Variants in LRRC4C observed in about 807,000 individuals in gnomAD.
LRRC4C encodes the protein leucine rich repeat containing 4C, also known as leucine-rich repeat-containing protein 4C.
LRRC4C carries 5 observed loss-of-function variants against 33.6 expected under a neutral mutation model. That is an observed-to-expected ratio of 0.15 (90% CI 0.08 to 0.31). The LOEUF (loss-of-function observed/expected upper bound fraction) is 0.31, where lower values mean the gene tolerates loss of function less well. LRRC4C is among the 10% of genes least tolerant of loss of function. LRRC4C has a pLI of 1.00. For synonymous variants in LRRC4C, 329 were observed against 302.0 expected, an observed-to-expected ratio of 1.09 and a Z score of -0.93; for missense variants, 560 against 796.7, an observed-to-expected ratio of 0.70 and a Z score of 3.58.
intron 4 of LRRC4C, among the ~76,000 whole-genome samples, chr11:40,318,109 A>G (rs1214077395): frequency 6.6e-6 from 1 of 152,102 alleles, no homozygotes; most frequent in East Asian, 1.9e-4. Context: ...AAACATCACT[A>G]TACTCGTCTA....
chr11:41,281,042 T>TTTTC (rs1555135078), intron 1 of LRRC4C, among the ~76,000 whole-genome samples: 1 of 76,194 alleles, frequency 1.3e-5, no homozygotes, highest in African/African-American at 5.4e-5. Context: ...AATACATATT[T>TTTTC]TCTCTCTCTC....
intron 3 of LRRC4C, among the ~76,000 whole-genome samples, chr11:40,347,390 C>A (rs995606218): frequency 3.3e-5 from 5 of 152,092 alleles, no homozygotes; most frequent in African/African-American, 1.2e-4. Flanking sequence ...CTATCCAGAC[C>A]ACTAAAATTT....
At chr11:40,527,876 G>C (rs954244532) in intron 3 of LRRC4C, among the ~76,000 whole-genome samples, 1 of 151,982 alleles carries the variant, frequency 6.6e-6, no homozygotes, top group African/African-American at 2.4e-5. Flanking sequence ...AGCCTCCCAA[G>C]TAGCTGGGAT....
chr11:40,529,323 A>G (rs1350594912), intron 3 of LRRC4C, among the ~76,000 whole-genome samples: 1 of 152,100 alleles, frequency 6.6e-6, no homozygotes, highest in Non-Finnish European at 1.5e-5. Context: ...ATTATATTCT[A>G]TATTTATGTT....
chr11:41,147,737 G>T lies in LRRC4C; in HGVS notation c.-495-214014C>A, dbSNP rs74379890. 5.9e-5 allele frequency among the ~76,000 whole-genome samples: 9 copies of T among 152,246 alleles called. No individual in the cohort carries two copies. The East Asian group carries it at 1.5e-3, about 26-fold the overall frequency. ...GACACAACAAACAAATACTCAAAGA[G>T]CTTTAATCAGACATTTATCAAAGAA... On this transcript the variant is annotated intron_variant, in intron 1 of 6. Coordinates refer to ENST00000528697, the MANE Select transcript of LRRC4C (RefSeq NM_001258419.2).
At chr11:41,146,808 T>G (rs964849919) in intron 1 of LRRC4C, among the ~76,000 whole-genome samples, 18 of 152,244 alleles carry the variant, frequency 1.2e-4, no homozygotes, top group Admixed American at 1.2e-3. Flanking sequence ...GCCAATCTAC[T>G]AACAAGTTGT....
At chr11:41,029,586 C>A (rs2137798565) in intron 1 of LRRC4C, among the ~76,000 whole-genome samples, 1 of 151,832 alleles carries the variant, frequency 6.6e-6, no homozygotes, top group South Asian at 2.1e-4. Context: ...GTTCATTTAA[C>A]CTTGTAATTA....
chr11:41,297,652 G>T (rs1008428221), intron 1 of LRRC4C, among the ~76,000 whole-genome samples: 2 of 152,012 alleles, frequency 1.3e-5, no homozygotes, highest in African/African-American at 4.8e-5. Context: ...ACGATAAATG[G>T]AAAATACTCT....
At chr11:40,489,032 G>A (rs1253778651) in intron 3 of LRRC4C, among the ~76,000 whole-genome samples, 2 of 152,038 alleles carry the variant, frequency 1.3e-5, no homozygotes, top group Non-Finnish European at 2.9e-5. Flanking sequence ...AATAACTGAG[G>A]AAGTCACCTG....
At chr11:41,269,637 G>T (rs1949259919) in intron 1 of LRRC4C, among the ~76,000 whole-genome samples, 1 of 152,092 alleles carries the variant, frequency 6.6e-6, no homozygotes, top group Admixed American at 6.6e-5. Context: ...TCTCTCTGGT[G>T]CCAATTGTGG....
chr11:41,256,136 CTGTT>C (rs1271057573), intron 1 of LRRC4C, among the ~76,000 whole-genome samples: 8 of 151,992 alleles, frequency 5.3e-5, no homozygotes, highest in Admixed American at 4.6e-4. Flanking sequence ...CTGGCTCTGT[CTGTT>C]TGTGTCTTTA....
At chr11:40,691,872 G>A (rs1565640400) in intron 2 of LRRC4C, among the ~76,000 whole-genome samples, 3 of 152,052 alleles carry the variant, frequency 2.0e-5, no homozygotes, top group Non-Finnish European at 4.4e-5. Context: ...TGTGCACCTT[G>A]AATAGTTAAC....
At chr11:40,192,087 G>A (rs1260214861) in intron 5 of LRRC4C, among the ~76,000 whole-genome samples, 1 of 152,084 alleles carries the variant, frequency 6.6e-6, no homozygotes, top group African/African-American at 2.4e-5. Context: ...ACATTGATAT[G>A]ATTGATCATA....
chr11:40,776,388 T>C (rs1319297632), intron 2 of LRRC4C, among the ~76,000 whole-genome samples: 2 of 152,118 alleles, frequency 1.3e-5, no homozygotes, highest in Non-Finnish European at 2.9e-5. Context: ...TGAGGTTTCT[T>C]ATGATTGATT....
chr11:41,102,232 A>T (rs1434486483), intron 1 of LRRC4C, among the ~76,000 whole-genome samples: 1 of 152,074 alleles, frequency 6.6e-6, no homozygotes, highest in South Asian at 2.1e-4. Flanking sequence ...TGAGTCTAAA[A>T]ATGCTTGAAT....
chr11:41,277,226 A>G (rs1949512675), intron 1 of LRRC4C, among the ~76,000 whole-genome samples: 1 of 152,222 alleles, frequency 6.6e-6, no homozygotes, highest in Admixed American at 6.5e-5. Flanking sequence ...GAATGCTAAC[A>G]TGGCAAATAA....
intron 1 of LRRC4C, among the ~76,000 whole-genome samples, chr11:41,383,208 T>A (rs189569632): frequency 2.1e-3 from 313 of 152,220 alleles, no homozygotes; most frequent in Non-Finnish European, 3.4e-3. Flanking sequence ...GTTTTCTGGG[T>A]TGTGAATCAG....
intron 5 of LRRC4C, among the ~76,000 whole-genome samples, chr11:40,169,166 A>G (rs1329758970): frequency 2.6e-5 from 4 of 152,154 alleles, no homozygotes; most frequent in African/African-American, 9.7e-5. Flanking sequence ...TATTATTGAG[A>G]CTTATTTTTC....
intron 1 of LRRC4C, among the ~76,000 whole-genome samples, chr11:41,443,142 T>C (rs1955707857): frequency 7.2e-6 from 1 of 139,718 alleles, no homozygotes; most frequent in South Asian, 2.5e-4. Context: ...AACCTCATCA[T>C]ATTAACACTG....
Sources: allele counts gnomAD v4.1 joint callset (sites outside exome capture counted in the v4.1 genomes callset), GRCh38; gene constraint gnomAD v4.1.1; transcripts MANE v1.5; gene names NCBI Gene and HGNC (gene_info 2026-07-23, HGNC 2026-07-21).